The following SND1 variants were observed in gnomAD, a reference collection of about 807,000 sequenced individuals.
SND1 encodes the protein staphylococcal nuclease and tudor domain containing 1.
Under a neutral mutation model 121.7 loss-of-function variants are expected in SND1, and 38 were observed. The ratio of observed to expected loss-of-function variants is 0.31; its 90% confidence interval spans 0.24 to 0.41. The LOEUF is 0.41. SND1 is among the 10% of genes least tolerant of loss of function. The probability of loss-of-function intolerance (pLI) is 1.00; values close to 1 mark genes in which losing one functional copy is unlikely to be tolerated. For synonymous variants in SND1, 401 were observed against 447.4 expected (o/e 0.90, Z 1.31); for missense variants, 868 against 1,184.6 (o/e 0.73, Z 3.92).
At chr7:127,760,142 T>C (rs773399870) in intron 10 of SND1, among the ~76,000 whole-genome samples, 3 of 152,220 alleles carry the variant, frequency 2.0e-5, no homozygotes, top group Non-Finnish European at 2.9e-5. Flanking sequence ...GCTCTGGAAA[T>C]GTCATCTTAG....
At chr7:127,887,517 T>G (rs2116730522) in intron 12 of SND1, among the ~76,000 whole-genome samples, 1 of 152,258 alleles carries the variant, frequency 6.6e-6, no homozygotes, top group African/African-American at 2.4e-5. Context: ...ATTTAGGTCA[T>G]GCTTTTATAT....
At chr7:127,843,972 T>G (rs1799010961) in intron 11 of SND1, among the ~76,000 whole-genome samples, 1 of 152,242 alleles carries the variant, frequency 6.6e-6, no homozygotes, top group Non-Finnish European at 1.5e-5. Context: ...TTGGCAATTT[T>G]CTAATCACAT....
intron 17 of SND1, among the ~76,000 whole-genome samples, chr7:128,077,342 G>A (rs1387973399): frequency 4.6e-5 from 7 of 152,266 alleles, no homozygotes; most frequent in Admixed American, 4.6e-4. Flanking sequence ...AGGGCAGGGA[G>A]AGGAGAGGAG....
At chr7:128,027,971 A>G (rs1334220649) in intron 16 of SND1, 1 of 152,512 alleles carries the variant, frequency 6.6e-6, no homozygotes, top group Admixed American at 6.5e-5. Flanking sequence ...CTCCTTTCTA[A>G]GCAATTCTGT....
intron 10 of SND1, among the ~76,000 whole-genome samples, chr7:127,787,832 C>T (rs1352777018): frequency 1.3e-5 from 2 of 152,114 alleles, no homozygotes; most frequent in Non-Finnish European, 2.9e-5. Context: ...TCAAGTCATG[C>T]CAGTGTCTGT....
intron 13 of SND1, among the ~76,000 whole-genome samples, chr7:127,893,573 C>A (rs1197705168): frequency 4.5e-4 from 68 of 152,078 alleles, no homozygotes; most frequent in Non-Finnish European, 4.4e-5. Context: ...TCCAGCCTGA[C>A]TGTAGGAAAG....
chr7:127,790,353 G>T (rs1797885842), intron 10 of SND1, among the ~76,000 whole-genome samples: 1 of 152,170 alleles, frequency 6.6e-6, no homozygotes, highest in Non-Finnish European at 1.5e-5. Flanking sequence ...CTAGGACAAG[G>T]AGCTGAGTGC....
At position 127,796,104 on chromosome 7, in the gene SND1, T is replaced by G. The variant is rs369372359; in HGVS notation, c.1153-11380T>G. Among the ~76,000 whole-genome samples, 77 of 151,976 alleles carry G rather than the reference T, an allele frequency of 5.1e-4. 1 individual carries two copies. The highest frequency in any genetic ancestry group is 3.4e-3 in the Middle Eastern group (1 of 294). On this transcript the variant is annotated intron_variant, in intron 10 of 23. Transcript: ENST00000354725. ...GATCTCCTGACCTTGTGATCCGCCC[T>G]CCTTGGCCTCCCAAAGTGCTGATGT...
chr7:127,769,878 C>T (rs993362691), intron 10 of SND1, among the ~76,000 whole-genome samples: 4 of 152,164 alleles, frequency 2.6e-5, no homozygotes, highest in Admixed American at 1.3e-4. Flanking sequence ...CTTTTTAACT[C>T]TCAGCGTGTA....
rs573692175 is a variant in SND1, at chr7:127,807,534, G to A, written c.1203G>A (p.Glu401=). Residue 401 remains glutamate, a synonymous_variant, in exon 11 of 24, where the codon GAG becomes GAA. Coordinates refer to ENST00000354725, the MANE Select transcript of SND1 (RefSeq NM_014390.4). ...RPLYDIPYMF[E]AREFLRKKLI... is the part of the protein sequence containing the mutation. The stretch of plus-strand genomic sequence containing the variant: ...TGTATGACATTCCTTACATGTTTGA[G>A]GCCCGGGAATTTCTTCGAAAAAAGC... 16 of 1,614,050 alleles carry A rather than the reference G, an allele frequency of 9.9e-6. No homozygotes were observed. The South Asian group carries it at 1.6e-4, about 17-fold the overall frequency.
At chr7:127,848,751 T>C (rs1799113385) in intron 12 of SND1, among the ~76,000 whole-genome samples, 1 of 152,200 alleles carries the variant, frequency 6.6e-6, no homozygotes, top group Non-Finnish European at 1.5e-5. Context: ...AGATGGTGTC[T>C]CTTAAAGGGT....
intron 10 of SND1, among the ~76,000 whole-genome samples, chr7:127,734,887 G>C (rs1305029627): frequency 1.3e-5 from 2 of 152,214 alleles, no homozygotes; most frequent in African/African-American, 4.8e-5. Flanking sequence ...TTAAAAGTCA[G>C]TTTTGGGTTT....
chr7:128,076,453 G>C (rs978423892), intron 17 of SND1, among the ~76,000 whole-genome samples: 3 of 152,210 alleles, frequency 2.0e-5, no homozygotes, highest in African/African-American at 7.2e-5. Context: ...ATCCCAGTCT[G>C]CTCGTCAAGG....
chr7:128,092,455 C>G lies in SND1; in HGVS notation c.*397C>G, dbSNP rs1011943690. On this transcript the variant is annotated 3_prime_UTR_variant, in exon 24 of 24. Transcript: ENST00000354725. This position sits in a 1 kb window ranked among gnomAD's most constrained non-coding sequence, Gnocchi z 4.9. ...CTATCCCAGACTGCCCTCGTCCCAG[C>G]TCTCTGTCCAACTGTTGATTATGTG... The G allele has an allele frequency of 8.9e-6, 2 of 224,882 alleles. No homozygotes were observed. The highest frequency in any genetic ancestry group is 4.5e-5 in the African/African-American group (2 of 44,336). 13.9% of individuals were successfully genotyped at this position (224,882 alleles called of 1,614,324 possible).
At chr7:127,791,994 G>A (rs1797917293) in intron 10 of SND1, among the ~76,000 whole-genome samples, 1 of 152,184 alleles carries the variant, frequency 6.6e-6, no homozygotes, top group South Asian at 2.1e-4. Context: ...ATCCATGAGA[G>A]TGTTCAACAG....
chr7:127,830,107 G>A (rs557049602), intron 11 of SND1, among the ~76,000 whole-genome samples: 39 of 151,958 alleles, frequency 2.6e-4, no homozygotes, highest in African/African-American at 9.2e-4. Context: ...TGGTGGCCGG[G>A]TGCGGTGGCT....
intron 15 of SND1, among the ~76,000 whole-genome samples, chr7:127,967,139 G>C (rs1007747190): frequency 6.6e-6 from 1 of 152,178 alleles, no homozygotes; most frequent in Non-Finnish European, 1.5e-5. Context: ...CCCAGTGGGT[G>C]TTGCACAGTC....
chr7:127,886,095 C>T (rs913081785), intron 12 of SND1, among the ~76,000 whole-genome samples: 4 of 152,076 alleles, frequency 2.6e-5, no homozygotes, highest in South Asian at 2.1e-4. Context: ...TTTGCCAGCA[C>T]GCTTATGTGG....
chr7:127,757,952 C>G (rs946468055), intron 10 of SND1, among the ~76,000 whole-genome samples: 3 of 152,154 alleles, frequency 2.0e-5, no homozygotes, highest in Non-Finnish European at 4.4e-5. Flanking sequence ...TGAAAAGCTT[C>G]CCTGCTGTTG....
Sources: gnomAD v4.1 joint callset for allele counts (sites outside exome capture counted in the v4.1 genomes callset) on GRCh38, gnomAD v4.1.1 for gene constraint, Gnocchi (gnomAD v3.1) non-coding constraint, MANE v1.5 for transcripts, NCBI Gene and HGNC (gene_info 2026-07-23, HGNC 2026-07-21) for gene names.